Variants in GATAD2A observed in about 807,000 individuals in gnomAD.
The protein encoded by GATAD2A is transcriptional repressor p66-alpha.
A neutral mutation model predicts 68.5 loss-of-function variants in GATAD2A; 12 were observed. The observed-to-expected ratio is 0.18, with a 90% CI of 0.11 to 0.28. GATAD2A has a LOEUF of 0.28. Ranked by LOEUF, GATAD2A falls within the 10% of genes least tolerant of loss-of-function variation. GATAD2A has a pLI of 1.00. For synonymous variants in GATAD2A, 410 were observed against 375.3 expected (o/e 1.09, Z -1.07); for missense variants, 755 against 868.5 (o/e 0.87, Z 1.64).
chr19:19,460,187 AG>A (rs2057302345), intron 1 of GATAD2A, among the ~76,000 whole-genome samples: 1 of 152,210 alleles, frequency 6.6e-6, no homozygotes, highest in Non-Finnish European at 1.5e-5. Context: ...GAGCCACTGA[AG>A]GGGGTACAGA....
chr19:19,465,507 A>G lies in GATAD2A; in HGVS notation c.162A>G (p.Ala54=). The G allele has an allele frequency of 1.9e-6, 3 of 1,614,066 alleles. No homozygotes were observed. Among genetic ancestry groups the G allele is most frequent in the Non-Finnish European group, 2.5e-6 (3 of 1,179,886 alleles). The part of the protein sequence containing the change: ...GDMRVTPEPG[A]GPTQGLLRAT... ...TGAGGGTGACACCTGAGCCGGGAGC[A>G]GGTCCAACCCAAGGATTGCTGAGGG... Residue 54 remains alanine, a synonymous_variant, in exon 2 of 12, where the codon GCA becomes GCG. Transcript: ENST00000683918.
At chr19:19,416,929 T>C (rs1160362330) in intron 1 of GATAD2A, among the ~76,000 whole-genome samples, 1 of 151,944 alleles carries the variant, frequency 6.6e-6, no homozygotes. Context: ...GCCTGGCTAA[T>C]TTTTGTATTT....
Position 19,436,057 on chromosome 19 carries a change from A to G in GATAD2A, c.-6-29283A>G, listed in dbSNP as rs117034789. On this transcript the variant is annotated intron_variant, in intron 1 of 11. Coordinates refer to ENST00000683918, the MANE Select transcript of GATAD2A (RefSeq NM_001384528.1). The stretch of plus-strand genomic sequence containing the variant: ...CTATGTAATTCCAGGGGTTAGAGAC[A>G]TTTTAGAAATGCCAGTATGTTCCAG... 2.2e-3 allele frequency: 1,614 copies of G among 749,714 alleles called. 3 individuals are homozygous for G. Among genetic ancestry groups the G allele is most frequent in the Non-Finnish European group, 2.6e-3 (1,251 of 475,716 alleles). The allele number at this position is 749,714 out of a possible 1,614,324, so 46.4% of individuals were successfully genotyped here. A position where few individuals can be genotyped will look rare whatever the true frequency, so the allele number is the denominator to read the frequency against.
intron 2 of GATAD2A, among the ~76,000 whole-genome samples, chr19:19,482,219 C>A (rs557431813): frequency 6.6e-6 from 1 of 152,264 alleles, no homozygotes; most frequent in African/African-American, 2.4e-5. Flanking sequence ...GCCTGACCAA[C>A]GTGGTGAAAC....
At chr19:19,389,109 T>C (rs1171748977) in intron 1 of GATAD2A, among the ~76,000 whole-genome samples, 1 of 152,042 alleles carries the variant, frequency 6.6e-6, no homozygotes, top group Non-Finnish European at 1.5e-5. Flanking sequence ...CCAAGTTCAC[T>C]CCAGTAGCTA....
At chr19:19,412,232 T>C (rs1268253330) in intron 1 of GATAD2A, among the ~76,000 whole-genome samples, 1 of 151,650 alleles carries the variant, frequency 6.6e-6, no homozygotes, top group Non-Finnish European at 1.5e-5. Context: ...CTCAGCTCAC[T>C]GCAAGCTCCG....
upstream of GATAD2A, among the ~76,000 whole-genome samples, chr19:19,403,967 TAGCAA>T (rs1274128625): frequency 6.6e-6 from 1 of 152,192 alleles, no homozygotes; most frequent in South Asian, 2.1e-4. Flanking sequence ...AATTTCTTTG[TAGCAA>T]AGCAAAGCAA....
chr19:19,431,500 T>C (rs2053744801), intron 1 of GATAD2A, among the ~76,000 whole-genome samples: 1 of 150,510 alleles, frequency 6.6e-6, no homozygotes, highest in South Asian at 2.1e-4. Context: ...TCAAGACCAG[T>C]GTGGCCAGTA....
chr19:19,466,266 A>C (rs2057857983), intron 2 of GATAD2A, among the ~76,000 whole-genome samples: 2 of 152,094 alleles, frequency 1.3e-5, no homozygotes, highest in Non-Finnish European at 2.9e-5. Flanking sequence ...TGACTTCAAA[A>C]CCTTCCTTTC....
At chr19:19,398,628 C>T (rs917230325) in intron 1 of GATAD2A, among the ~76,000 whole-genome samples, 3 of 152,002 alleles carry the variant, frequency 2.0e-5, no homozygotes, top group South Asian at 2.1e-4. Flanking sequence ...ACACTGTGCC[C>T]GGCCTAGAAC....
chr19:19,437,109 A>G (rs1399136640), intron 1 of GATAD2A, among the ~76,000 whole-genome samples: 1 of 152,214 alleles, frequency 6.6e-6, no homozygotes, highest in Non-Finnish European at 1.5e-5. Flanking sequence ...AAACAAAATG[A>G]AACTTTCGTG....
chr19:19,491,441 T>G (rs999488353), intron 2 of GATAD2A, among the ~76,000 whole-genome samples: 1 of 151,960 alleles, frequency 6.6e-6, no homozygotes, highest in African/African-American at 2.4e-5. Context: ...GAAAAAGGTG[T>G]GGGGGCTGGA....
intron 1 of GATAD2A, among the ~76,000 whole-genome samples, chr19:19,415,840 T>C (rs2051554921): frequency 6.6e-6 from 1 of 151,902 alleles, no homozygotes. Context: ...ATGGTCTTGA[T>C]CCCTTGACCT....
At chr19:19,471,363 C>G (rs554470898) in intron 2 of GATAD2A, among the ~76,000 whole-genome samples, 31 of 152,176 alleles carry the variant, frequency 2.0e-4, no homozygotes, top group African/African-American at 7.2e-4. Context: ...TCATGTGTGC[C>G]ATAACATGGC....
chr19:19,473,875 G>A (rs992884186), intron 2 of GATAD2A, among the ~76,000 whole-genome samples: 4 of 152,108 alleles, frequency 2.6e-5, no homozygotes, highest in Non-Finnish European at 2.9e-5. Context: ...GAACTCGGGA[G>A]GTCAGGCTTG....
chr19:19,456,153 CA>C (rs397859145), intron 1 of GATAD2A, among the ~76,000 whole-genome samples: 34,860 of 94,040 alleles, frequency 0.37, 3,927 homozygotes, highest in Middle Eastern at 0.46. Flanking sequence ...GACTCCATCT[CA>C]AAAAAAAAAA....
chr19:19,395,444 G>C (rs142117037), intron 1 of GATAD2A, among the ~76,000 whole-genome samples: 7,323 of 151,418 alleles, frequency 0.048, 252 homozygotes, highest in Middle Eastern at 0.14. Context: ...AACAGAGCGA[G>C]ATTCCGTCTC....
At chr19:19,441,004 C>CTTCCTTCCCTTCCTTCCCTTCCTTCT (rs2054996806) in intron 1 of GATAD2A, among the ~76,000 whole-genome samples, 1 of 131,654 alleles carries the variant, frequency 7.6e-6, no homozygotes, top group African/African-American at 2.8e-5. Flanking sequence ...CCTTCCTTCC[C>CTTCCTTCCCTTCCTTCCCTTCCTTCT]TTCCTTCCCT....
At chr19:19,469,433 A>G (rs924692516) in intron 2 of GATAD2A, among the ~76,000 whole-genome samples, 1 of 151,748 alleles carries the variant, frequency 6.6e-6, no homozygotes, top group Non-Finnish European at 1.5e-5. Flanking sequence ...CTCCATCTCA[A>G]AAAAAAAGAA....
Sources: allele counts gnomAD v4.1 joint callset (sites outside exome capture counted in the v4.1 genomes callset), GRCh38; gene constraint gnomAD v4.1.1; transcripts MANE v1.5; gene names NCBI Gene and HGNC (gene_info 2026-07-23, HGNC 2026-07-21).